Variants in KCNN3 observed in about 807,000 individuals in gnomAD.
The protein encoded by KCNN3 is small conductance calcium-activated potassium channel protein 3.
Under a neutral mutation model 62.9 loss-of-function variants are expected in KCNN3, and 16 were observed. That is an observed-to-expected ratio of 0.25 (90% CI 0.17 to 0.39). KCNN3 has a LOEUF of 0.39. Ranked by LOEUF, KCNN3 falls within the 10% of genes least tolerant of loss-of-function variation. The pLI is 1.00. For missense variants in KCNN3, 599 were observed against 949.4 expected, an observed-to-expected ratio of 0.63 and a Z score of 4.85; for synonymous variants, 370 against 389.2, an observed-to-expected ratio of 0.95 and a Z score of 0.58.
intron 5 of KCNN3, among the ~76,000 whole-genome samples, chr1:154,724,787 A>G (rs1351057471): frequency 6.6e-6 from 1 of 152,218 alleles, no homozygotes; most frequent in Non-Finnish European, 1.5e-5. Context: ...GGAAAACCCA[A>G]AAGGGAAAAA....
chr1:154,795,419 T>C (rs1441870487), intron 2 of KCNN3, among the ~76,000 whole-genome samples: 1 of 152,208 alleles, frequency 6.6e-6, no homozygotes, highest in Non-Finnish European at 1.5e-5. Flanking sequence ...CCCCACCTAC[T>C]GATCACAACG....
chr1:154,710,745 C>T (rs531241020), intron 7 of KCNN3, among the ~76,000 whole-genome samples: 4 of 152,334 alleles, frequency 2.6e-5, no homozygotes, highest in East Asian at 3.9e-4. Context: ...TGAAAAAATG[C>T]TCATGATCAC....
intron 6 of KCNN3, 85 bp downstream of exon 6, chr1:154,714,791 T>C: frequency 6.4e-7 from 1 of 1,558,048 alleles, no homozygotes; most frequent in Non-Finnish European, 8.8e-7. Context: ...CAGAATGGAT[T>C]TCTTCTGTGC....
intron 2 of KCNN3, among the ~76,000 whole-genome samples, chr1:154,806,265 C>A (rs2101878887): frequency 6.6e-6 from 1 of 152,342 alleles, no homozygotes; most frequent in East Asian, 1.9e-4. Flanking sequence ...CCACCTGCTG[C>A]CAAGAACAGG....
At chr1:154,836,838 G>A (rs1651611761) in intron 1 of KCNN3, among the ~76,000 whole-genome samples, 1 of 152,156 alleles carries the variant, frequency 6.6e-6, no homozygotes, top group Non-Finnish European at 1.5e-5. Context: ...GCACAGTCGG[G>A]GTCCTTTCTG....
At position 154,749,089 on chromosome 1, in the gene KCNN3, C is replaced by A. The variant is rs571550832; in HGVS notation, c.1449-15945G>T. 3.8e-3 allele frequency among the ~76,000 whole-genome samples: 574 copies of A among 152,180 alleles called. 3 individuals carry two copies. Among genetic ancestry groups the A allele is most frequent in the African/African-American group, 0.013 (556 of 41,512 alleles). On this transcript the variant is annotated intron_variant, in intron 3 of 7. Coordinates refer to ENST00000271915, the MANE Select transcript of KCNN3 (RefSeq NM_002249.6). ...ATGAGTGGAGAGACTGGTGGGGATT[C>A]TCTCTCTCTCAGGTATCTCATCCTG...
chr1:154,750,689 C>T (rs1338434432), intron 3 of KCNN3, among the ~76,000 whole-genome samples: 1 of 152,074 alleles, frequency 6.6e-6, no homozygotes, highest in African/African-American at 2.4e-5. Flanking sequence ...GAGTGGGCAG[C>T]TGCAGCCCTG....
At chr1:154,866,917 AGAGGGCCTGATCCTGCAGAGTGGT>A (rs1490638730) in intron 1 of KCNN3, among the ~76,000 whole-genome samples, 2 of 152,142 alleles carry the variant, frequency 1.3e-5, no homozygotes, top group Non-Finnish European at 2.9e-5. Context: ...CAGGCAGGGA[AGAGGGCCTGATCCTGCAGAGTGGT>A]GACTCTCCCG....
At chr1:154,763,091 G>T (rs1648095615) in intron 3 of KCNN3, among the ~76,000 whole-genome samples, 1 of 151,944 alleles carries the variant, frequency 6.6e-6, no homozygotes, top group Non-Finnish European at 1.5e-5. Flanking sequence ...CCCCTCAATG[G>T]TCTTCTCTTT....
At chr1:154,751,047 G>A (rs1647353427) in intron 3 of KCNN3, among the ~76,000 whole-genome samples, 1 of 152,182 alleles carries the variant, frequency 6.6e-6, no homozygotes, top group South Asian at 2.1e-4. Flanking sequence ...GGAGAACTGG[G>A]CATCTGGTGC....
chr1:154,707,628 G>A lies in KCNN3; in HGVS notation c.*348C>T, dbSNP rs529906603. 4.9e-6 allele frequency: 1 copy of A among 204,988 alleles called. No homozygotes were observed. The highest frequency in any genetic ancestry group is 1.0e-4 in the South Asian group (1 of 9,752). 12.7% of individuals were successfully genotyped at this position (204,988 alleles called of 1,614,324 possible). ...CGGACCCCTCTTCTGGACTGGCTTC[G>A]CTGTTGGCTACTTCAGTGCATCTGA... On this transcript the variant is annotated 3_prime_UTR_variant, in exon 8 of 8. Coordinates refer to ENST00000271915, the MANE Select transcript of KCNN3 (RefSeq NM_002249.6).
intron 3 of KCNN3, among the ~76,000 whole-genome samples, chr1:154,766,011 G>A (rs1389605263): frequency 6.6e-6 from 1 of 151,872 alleles, no homozygotes; most frequent in Admixed American, 6.6e-5. Context: ...GAATCTTCAG[G>A]ATTATTTTCC....
At chr1:154,823,261 A>G (rs1249838597) in intron 1 of KCNN3, among the ~76,000 whole-genome samples, 3 of 152,164 alleles carry the variant, frequency 2.0e-5, no homozygotes, top group Non-Finnish European at 4.4e-5. Flanking sequence ...CACAGCCCTG[A>G]GCAAAGGCAG....
Position 154,747,878 on chromosome 1 carries a change from C to T in KCNN3, c.1449-14734G>A, listed in dbSNP as rs969547191. Reference sequence around the variant, plus strand: ...CCTCCAATCCATGCTCCCCCACCTCCGAGCTTCCCTCATGCTGGCCCCTCT... The same window carrying T: ...CCTCCAATCCATGCTCCCCCACCTCTGAGCTTCCCTCATGCTGGCCCCTCT... On this transcript the variant is annotated intron_variant, in intron 3 of 7. Coordinates refer to ENST00000271915, the MANE Select transcript of KCNN3 (RefSeq NM_002249.6). Among the ~76,000 whole-genome samples the T allele has an allele frequency of 3.3e-5, 5 of 152,338 alleles. No homozygotes were observed. The South Asian group carries it at 6.2e-4, about 19-fold the overall frequency.
intron 1 of KCNN3, among the ~76,000 whole-genome samples, chr1:154,823,282 C>T (rs1180704410): frequency 6.6e-6 from 1 of 152,132 alleles, no homozygotes; most frequent in Non-Finnish European, 1.5e-5. Flanking sequence ...CAGATGAGAT[C>T]CAGGAAGCAT....
chr1:154,816,913 C>A (rs918829100), intron 2 of KCNN3, among the ~76,000 whole-genome samples: 9 of 152,202 alleles, frequency 5.9e-5, no homozygotes. Flanking sequence ...TTCCCACCCT[C>A]CATAGTGAAC....
At chr1:154,812,612 G>A (rs1237582227) in intron 2 of KCNN3, among the ~76,000 whole-genome samples, 3 of 152,172 alleles carry the variant, frequency 2.0e-5, no homozygotes, top group Non-Finnish European at 4.4e-5. Flanking sequence ...GTGGGAGTGC[G>A]CGTTCATGGA....
intron 2 of KCNN3, among the ~76,000 whole-genome samples, chr1:154,791,090 A>G (rs1373801526): frequency 6.6e-6 from 1 of 151,988 alleles, no homozygotes; most frequent in African/African-American, 2.4e-5. Flanking sequence ...TTAGCTGGGC[A>G]TGGTGGTGCA....
At chr1:154,761,984 A>C (rs1648039834) in intron 3 of KCNN3, among the ~76,000 whole-genome samples, 2 of 149,492 alleles carry the variant, frequency 1.3e-5, no homozygotes, top group Non-Finnish European at 1.5e-5. Context: ...AACAAACAAA[A>C]ACGAAAACAA....
Sources: allele counts gnomAD v4.1 joint callset (sites outside exome capture counted in the v4.1 genomes callset), GRCh38; gene constraint gnomAD v4.1.1; transcripts MANE v1.5; gene names NCBI Gene and HGNC (gene_info 2026-07-23, HGNC 2026-07-21).